Variants in SYNE2 observed in about 807,000 individuals in gnomAD.
SYNE2 encodes nesprin-2.
A neutral mutation model predicts 856.3 loss-of-function variants in SYNE2; 431 were observed. That is an observed-to-expected ratio of 0.50 (90% CI 0.47 to 0.55). The LOEUF (loss-of-function observed/expected upper bound fraction) is 0.55, where lower values mean the gene tolerates loss of function less well. SYNE2 is among the 20% of genes least tolerant of loss of function. The pLI is 0.00. For missense variants in SYNE2, 8,129 were observed against 8,023.2 expected, an observed-to-expected ratio of 1.01 and a Z score of -0.50; for synonymous variants, 2,923 against 2,872.3, an observed-to-expected ratio of 1.02 and a Z score of -0.56.
At chr14:64,184,989 C>T (rs1272420370) in intron 96 of SYNE2, among the ~76,000 whole-genome samples, 2 of 152,252 alleles carry the variant, frequency 1.3e-5, no homozygotes, top group Non-Finnish European at 2.9e-5. Flanking sequence ...GGCATGGTGG[C>T]TCGCCCTTGT....
intron 1 of SYNE2, among the ~76,000 whole-genome samples, chr14:63,824,602 G>A (rs1235853978): frequency 6.7e-6 from 1 of 149,140 alleles, no homozygotes; most frequent in Non-Finnish European, 1.5e-5. Context: ...TGGCACCACT[G>A]CACTCCGACC....
chr14:63,789,657 A>G (rs1887660579), intron 1 of SYNE2, among the ~76,000 whole-genome samples: 3 of 152,160 alleles, frequency 2.0e-5, no homozygotes, highest in Admixed American at 2.0e-4. Flanking sequence ...GTGGCACTGT[A>G]ATCCCAGCTA....
At chr14:63,892,730 T>C (rs1369330888) in intron 1 of SYNE2, among the ~76,000 whole-genome samples, 1 of 11,470 alleles carries the variant, frequency 8.7e-5, no homozygotes, top group Non-Finnish European at 1.9e-4. Flanking sequence ...GTGTACTTTC[T>C]TTTTTTTTTT....
In SYNE2 at chr14:63,984,026, G is replaced by T; in HGVS notation, c.2151+140G>T. 4 of 619,628 alleles carry T rather than the reference G, an allele frequency of 6.5e-6. No individual in the cohort carries two copies. The South Asian group carries it at 8.0e-5, about 12-fold the overall frequency. 38.4% of individuals were successfully genotyped at this position (619,628 alleles called of 1,614,324 possible). On this transcript the variant is annotated intron_variant, in intron 18 of 115. Transcript: ENST00000555002. ...GGAGGACAAAACAGGTGGATGGCTTGAACTCAGGAGTTCGAAATCAGCCTG... is the reference window on the plus strand; with the variant it reads ...GGAGGACAAAACAGGTGGATGGCTTTAACTCAGGAGTTCGAAATCAGCCTG...
intron 2 of SYNE2, among the ~76,000 whole-genome samples, chr14:63,913,936 C>T (rs528143670): frequency 3.3e-5 from 5 of 151,576 alleles, no homozygotes; most frequent in East Asian, 1.9e-4. Context: ...CTCCTGGCCT[C>T]GAGCTATCCT....
At chr14:64,065,729 C>T in intron 51 of SYNE2, 79 bp downstream of exon 51, 3 of 1,498,656 alleles carry the variant, frequency 2.0e-6, no homozygotes, top group Non-Finnish European at 1.8e-6. Flanking sequence ...CCTTGTTTTT[C>T]TATAAAACGA....
intron 47 of SYNE2, among the ~76,000 whole-genome samples, chr14:64,050,309 T>G (rs2097215945): frequency 6.6e-6 from 1 of 152,196 alleles, no homozygotes; most frequent in African/African-American, 2.4e-5. Context: ...AGTTCCTAAC[T>G]CTTAGTGCTA....
intron 71 of SYNE2, among the ~76,000 whole-genome samples, chr14:64,125,956 T>G (rs2097940840): frequency 6.6e-6 from 1 of 152,200 alleles, no homozygotes; most frequent in Non-Finnish European, 1.5e-5. Context: ...TTGATTTCAT[T>G]AACCGCTTTC....
intron 64 of SYNE2, among the ~76,000 whole-genome samples, chr14:64,105,681 T>G (rs1238548521): frequency 6.6e-6 from 1 of 152,212 alleles, no homozygotes; most frequent in Non-Finnish European, 1.5e-5. Context: ...TTGCTTAACT[T>G]TGGTTAATCT....
chr14:64,109,336 G>A (rs898104719), intron 65 of SYNE2, among the ~76,000 whole-genome samples: 3 of 151,598 alleles, frequency 2.0e-5, no homozygotes, highest in Non-Finnish European at 2.9e-5. Flanking sequence ...TTTAATATGG[G>A]CCAGGTACTG....
At position 64,142,763 on chromosome 14, in the gene SYNE2, T is replaced by G. The variant is rs142307995; in HGVS notation, c.15306+675T>G. ...TCTAACAGGTGTTAATGAAATGTTC[T>G]TTGAGTAAGAGAATGAGTAAGAAAA... On this transcript the variant is annotated intron_variant, in intron 82 of 115. Transcript: ENST00000555002. Among the ~76,000 whole-genome samples the G allele has an allele frequency of 4.1e-4, 62 of 152,378 alleles. No individual in the cohort carries two copies. The East Asian group carries it at 7.1e-3, about 18-fold the overall frequency.
intron 100 of SYNE2, 109 bp downstream of exon 100, chr14:64,203,072 A>G (rs2098584020): frequency 2.8e-6 from 4 of 1,431,888 alleles, no homozygotes; most frequent in Admixed American, 3.9e-5. Flanking sequence ...ATTCCATAAC[A>G]TTGGTTTGCT....
At position 63,975,168 on chromosome 14, in the gene SYNE2, C is replaced by G. The variant is rs117700501; in HGVS notation, c.1129-1395C>G. Among the ~76,000 whole-genome samples, 157 of 151,774 alleles carry G rather than the reference C, an allele frequency of 1.0e-3. 2 individuals carry two copies. In the South Asian group the frequency reaches 0.015, roughly 14 times the overall value. ...TTCATACACGACACATGGAGCTGGG[C>G]AGGGCCCTGCTCTTGTTTTTATTCA... On this transcript the variant is annotated intron_variant, in intron 11 of 115. Transcript: ENST00000555002.
In SYNE2 at chr14:64,125,086, C is replaced by A. The variant is rs758104463; in HGVS notation, c.13430C>A (p.Thr4477Lys). Residue 4477 changes from threonine (T) to lysine (K), a missense_variant, in exon 71 of 116, where the codon ACA becomes AAA. By Grantham distance (78) the Thr-to-Lys change is moderately conservative. Transcript: ENST00000555002. ...TTTTCCTTTGTCAAATAGGTTTCCACAAATATGGGTATTCTACCCAGCGTG... is the reference window on the plus strand; with the variant it reads ...TTTTCCTTTGTCAAATAGGTTTCCAAAAATATGGGTATTCTACCCAGCGTG... ...LPQLVEPQVSTNMGILPSVTM... is the reference protein window; with the variant it reads ...LPQLVEPQVSKNMGILPSVTM... 1 of 1,614,134 alleles carries A rather than the reference C, an allele frequency of 6.2e-7. No homozygotes were observed. Among genetic ancestry groups the A allele is most frequent in the South Asian group, 1.1e-5 (1 of 91,080 alleles).
chr14:64,046,509 T>C (rs904117521), intron 45 of SYNE2, among the ~76,000 whole-genome samples: 2 of 152,082 alleles, frequency 1.3e-5, no homozygotes, highest in African/African-American at 2.4e-5. Context: ...CATGCCACCA[T>C]GTTGAGCTAA....
chr14:64,120,799 T>C (rs1199519420), intron 67 of SYNE2, 128 bp from the exon 68 acceptor site: 7 of 990,328 alleles, frequency 7.1e-6, no homozygotes, highest in Non-Finnish European at 1.1e-5. Context: ...TATATAATTA[T>C]AGCAAATAAC....
intron 61 of SYNE2, chr14:64,095,150 A>G: frequency 5.9e-6 from 1 of 170,522 alleles, no homozygotes. Context: ...ATGTTTCTGC[A>G]TTTGATCTGC....
chr14:63,797,037 C>G (rs1484899013), intron 1 of SYNE2, among the ~76,000 whole-genome samples: 1 of 148,378 alleles, frequency 6.7e-6, no homozygotes, highest in Middle Eastern at 3.2e-3. Context: ...CAACCTCGTG[C>G]CACTGCACTC....
intron 1 of SYNE2, among the ~76,000 whole-genome samples, chr14:63,875,702 A>G (rs1019582958): frequency 6.6e-6 from 1 of 152,240 alleles, no homozygotes; most frequent in Non-Finnish European, 1.5e-5. Context: ...CATGGGGGGA[A>G]ATACCTTCAC....
Sources: allele counts gnomAD v4.1 joint callset (sites outside exome capture counted in the v4.1 genomes callset), GRCh38; gene constraint gnomAD v4.1.1; transcripts MANE v1.5; gene names NCBI Gene and HGNC (gene_info 2026-07-23, HGNC 2026-07-21).